The following GNPDA1 variants were observed in gnomAD, a reference collection of about 807,000 sequenced individuals.
GNPDA1 encodes GNPDA 1.
In GNPDA1, 24 loss-of-function variants were observed where a neutral mutation model predicts 28.5. That is an observed-to-expected ratio of 0.84 (90% CI 0.61 to 1.19). GNPDA1 has a LOEUF of 1.19. Ranked by LOEUF, GNPDA1 falls within the 50% of genes most tolerant of loss-of-function variation. The pLI, the probability that GNPDA1 is intolerant of heterozygous loss-of-function variation, is 0.00. For missense variants in GNPDA1, 264 were observed against 367.3 expected, an observed-to-expected ratio of 0.72 and a Z score of 2.30; for synonymous variants, 147 against 139.3, an observed-to-expected ratio of 1.06 and a Z score of -0.39.
In GNPDA1 at chr5:142,003,563, A is replaced by G. The variant is rs1405990330; in HGVS notation, c.595-301T>C. Among the ~76,000 whole-genome samples the G allele has an allele frequency of 1.3e-5, 2 of 152,164 alleles. No homozygotes were observed. Among genetic ancestry groups the G allele is most frequent in the African/African-American group, 4.8e-5 (2 of 41,438 alleles). On this transcript the variant is annotated intron_variant, in intron 5 of 6. Transcript: ENST00000311337. This position sits in a 1 kb window ranked among gnomAD's most constrained non-coding sequence, Gnocchi z 4.0. ...CCAGGTATCTTTGATGATGACTATG[A>G]AGGTGCCCTGTAAACAGACATGCCA...
At chr5:142,010,773 C>G (rs1481814412) in intron 2 of GNPDA1, among the ~76,000 whole-genome samples, 1 of 151,946 alleles carries the variant, frequency 6.6e-6, no homozygotes, top group Non-Finnish European at 1.5e-5. Flanking sequence ...CTCAGCCTCC[C>G]AAAGTGCTGA....
intron 6 of GNPDA1, among the ~76,000 whole-genome samples, chr5:142,002,351 T>C (rs1755696276): frequency 6.6e-6 from 1 of 152,064 alleles, no homozygotes; most frequent in African/African-American, 2.4e-5. Flanking sequence ...ACTATGGGAG[T>C]TGGCTATTTA....
In GNPDA1 at chr5:142,003,161, A is replaced by C. The variant is rs1166152405; in HGVS notation, c.696T>G (p.His232Gln). Residue 232 changes from histidine to glutamine, a missense_variant, in exon 6 of 7, where the codon CAT (histidine) becomes CAG (glutamine). By Grantham distance (24) the His-to-Gln change is conservative. Transcript: ENST00000311337. The surrounding 1 kb of genome is among the most constrained non-coding windows in gnomAD (Gnocchi z 4.0). ...HMWTVSAFQQ[H>Q]PRTVFVCDED... ...CGTCACACACAAACACGGTGCGGGG[A>C]TGCTGCTGGAAGGCAGACACGGTCC... 6.2e-7 allele frequency: 1 copy of C among 1,614,100 alleles called. No homozygotes were observed. Among genetic ancestry groups the C allele is most frequent in the Admixed American group, 1.7e-5 (1 of 60,016 alleles).
chr5:142,006,629 G>T (rs1755812132), intron 3 of GNPDA1, among the ~76,000 whole-genome samples: 1 of 152,120 alleles, frequency 6.6e-6, no homozygotes, highest in Non-Finnish European at 1.5e-5. Flanking sequence ...AATGACCATA[G>T]GTTAGAGGCT....
At chr5:142,012,687 C>G (rs1755992935) in intron 1 of GNPDA1, 4 of 964,872 alleles carry the variant, frequency 4.1e-6, no homozygotes, top group African/African-American at 1.8e-5. Flanking sequence ...GCGAACCCCT[C>G]TGGGTCTTCA....
chr5:142,002,911 A>G (rs2232201), intron 6 of GNPDA1, among the ~76,000 whole-genome samples, 177 bp downstream of exon 6: 5,305 of 152,248 alleles, frequency 0.035, 317 homozygotes, highest in African/African-American at 0.12. Context: ...CCAGAAATGG[A>G]TCTTTGCAGT....
chr5:142,008,401 A>G (rs1161168222), intron 2 of GNPDA1, among the ~76,000 whole-genome samples: 1 of 152,220 alleles, frequency 6.6e-6, no homozygotes, highest in Non-Finnish European at 1.5e-5. Context: ...TTCCCTGAGG[A>G]GCAGCGAAGC....
chr5:142,003,118 G>C lies in GNPDA1; in HGVS notation c.739C>G (p.Leu247Val), dbSNP rs747969149. ...FVCDEDATLELKVKTVKYFKG... is the reference protein window; with the variant it reads ...FVCDEDATLEVKVKTVKYFKG... Reference sequence around the variant, plus strand: ...AAATACTTGACAGTCTTCACTTTCAGCTCCAAGGTGGCATCCTCGTCACAC... The same window carrying C: ...AAATACTTGACAGTCTTCACTTTCACCTCCAAGGTGGCATCCTCGTCACAC... Residue 247 changes from leucine to valine, a missense_variant, in exon 6 of 7, where the codon CTG becomes GTG. Physicochemically the swap from Leu to Val is conservative, Grantham distance 32. Transcript: ENST00000311337. This position sits in a 1 kb window ranked among gnomAD's most constrained non-coding sequence, Gnocchi z 4.0. The C allele has an allele frequency of 6.2e-7, 1 of 1,613,950 alleles. No individual in the cohort carries two copies. The highest frequency in any genetic ancestry group is 1.1e-5 in the South Asian group (1 of 91,042).
intron 3 of GNPDA1, 44 bp downstream of exon 3, chr5:142,007,755 A>T: frequency 1.7e-6 from 2 of 1,167,142 alleles, no homozygotes; most frequent in Non-Finnish European, 1.3e-6. Flanking sequence ...GAGGAGCATC[A>T]CTCTCCTAGA....
intron 5 of GNPDA1, among the ~76,000 whole-genome samples, chr5:142,004,325 T>C (rs1039251923): frequency 2.0e-5 from 3 of 152,274 alleles, no homozygotes; most frequent in Non-Finnish European, 4.4e-5. Flanking sequence ...GGCAAAGAAA[T>C]GTAAATCTAA....
intron 3 of GNPDA1, 146 bp downstream of exon 3, chr5:142,007,653 C>G (rs1360842574): frequency 1.3e-5 from 8 of 630,682 alleles, no homozygotes; most frequent in Non-Finnish European, 2.0e-5. Flanking sequence ...CATTTTATAG[C>G]TGAGTAAACC....
At position 142,007,905 on chromosome 5, in the gene GNPDA1, A is replaced by G. The variant is rs746873455; in HGVS notation, c.125-5T>C. The G allele has an allele frequency of 1.3e-6, 2 of 1,554,382 alleles. No homozygotes were observed. The highest frequency in any genetic ancestry group is 3.3e-5 in the Admixed American group (2 of 59,940). On this transcript the variant is annotated splice_polypyrimidine_tract_variant and splice_region_variant and intron_variant, in intron 2 of 6. Transcript: ENST00000311337. ...AGCAGCCAAGTGGGGTACTCCCTGC[A>G]AGAGTGGCCACACCCATGAACACCC...
rs1212170788 is a variant in GNPDA1 at position 142,001,866 on chromosome 5, C to T, written c.*163G>A. The T allele has an allele frequency of 2.3e-6, 1 of 441,794 alleles. No individual in the cohort carries two copies. The highest frequency in any genetic ancestry group is 2.1e-5 in the African/African-American group (1 of 48,716). The allele number at this position is 441,794 out of a possible 1,614,324, so 27.4% of individuals were successfully genotyped here. ...TACAAACATTCTCCCTATAGCTAAA[C>T]TCCGTGACTAGGCTCCCAGCCTCAT... On this transcript the variant is annotated 3_prime_UTR_variant, in exon 7 of 7. Coordinates refer to ENST00000311337, the MANE Select transcript of GNPDA1 (RefSeq NM_005471.5).
intron 6 of GNPDA1, among the ~76,000 whole-genome samples, 168 bp downstream of exon 6, chr5:142,002,920 G>C (rs1755711531): frequency 3.9e-5 from 6 of 152,174 alleles, no homozygotes; most frequent in African/African-American, 1.4e-4. Flanking sequence ...GATCTTTGCA[G>C]TCACAGGCAG....
At chr5:142,005,675 G>A (rs746985356) in intron 4 of GNPDA1, among the ~76,000 whole-genome samples, 13 of 152,134 alleles carry the variant, frequency 8.5e-5, no homozygotes, top group African/African-American at 2.7e-4. Flanking sequence ...CAGAGGTGGC[G>A]ATAGATGGAT....
rs1376879643 is a variant in GNPDA1, at chr5:142,000,832, T to C, written c.*1197A>G. The C allele has an allele frequency of 6.6e-6, 1 of 152,478 alleles. No individual in the cohort carries two copies. The highest frequency in any genetic ancestry group is 1.5e-5 in the Non-Finnish European group (1 of 68,122). 9.4% of individuals were successfully genotyped at this position (152,478 alleles called of 1,614,324 possible). ...GGCCTGGGCTAGGCTCTCAAAGGTC[T>C]TTCCCAGAAATGGAGGCAGCAGTAG... is the stretch of plus-strand genomic sequence containing the variant. On this transcript the variant is annotated 3_prime_UTR_variant, in exon 7 of 7. Transcript: ENST00000311337.
chr5:142,005,163 G>T lies in GNPDA1; in HGVS notation c.410-47C>A, dbSNP rs775556466. 1.0e-5 allele frequency: 15 copies of T among 1,430,628 alleles called. No homozygotes were observed. In the Admixed American group the frequency reaches 2.5e-4, roughly 24 times the overall value. 88.6% of individuals were successfully genotyped at this position (1,430,628 alleles called of 1,614,324 possible). On this transcript the variant is annotated intron_variant, in intron 4 of 6. Transcript: ENST00000311337. ...AGCCCTGTCAGTCCCAGGGATCCAA[G>T]ATTTCAAGAATGGACAATCTCTCCT...
chr5:142,009,532 G>A (rs1054635943), intron 2 of GNPDA1, among the ~76,000 whole-genome samples: 1 of 152,048 alleles, frequency 6.6e-6, no homozygotes, highest in Non-Finnish European at 1.5e-5. Context: ...GTTCATTGCT[G>A]TATCCTTAGA....
rs745503894 is a variant in GNPDA1, at chr5:142,008,727, G to GA, written c.125-828dup. Among the ~76,000 whole-genome samples, 543 of 134,198 alleles carry GA rather than the reference G, an allele frequency of 4.0e-3. 5 individuals are homozygous for GA. Among genetic ancestry groups the GA allele is most frequent in the East Asian group, 0.035 (166 of 4,710 alleles). 88.0% of individuals were successfully genotyped at this position (134,198 alleles called of 152,430 possible). ...GGCCAATAGAGCCAGACTCTATCTTGAAAAAAAAAAAAAGTCAATGTCATA... is the reference window on the plus strand; with the variant it reads ...GGCCAATAGAGCCAGACTCTATCTTGAAAAAAAAAAAAAAGTCAATGTCATA... On this transcript the variant is annotated intron_variant, in intron 2 of 6. Transcript: ENST00000311337.
Sources: gnomAD v4.1 joint callset for allele counts (sites outside exome capture counted in the v4.1 genomes callset) on GRCh38, gnomAD v4.1.1 for gene constraint, Gnocchi (gnomAD v3.1) non-coding constraint, MANE v1.5 for transcripts, NCBI Gene and HGNC (gene_info 2026-07-23, HGNC 2026-07-21) for gene names.